The following GABRB1 variants were observed in gnomAD, a reference collection of about 807,000 sequenced individuals.
GABRB1 encodes the protein gamma-aminobutyric acid type A receptor subunit beta1, also known as gamma-aminobutyric acid receptor subunit beta-1.
GABRB1 carries 17 observed loss-of-function variants against 51.6 expected under a neutral mutation model. The ratio of observed to expected loss-of-function variants is 0.33; its 90% CI spans 0.23 to 0.49. The LOEUF is 0.49. Ranked by LOEUF, GABRB1 falls within the 20% of genes least tolerant of loss-of-function variation. The pLI, the probability that GABRB1 is intolerant of heterozygous loss-of-function variation, is 0.99. For missense variants in GABRB1, 410 were observed against 600.6 expected (o/e 0.68, Z 3.32); for synonymous variants, 247 against 218.9 (o/e 1.13, Z -1.14).
chr4:47,241,735 T>C (rs1172664076), intron 4 of GABRB1, among the ~76,000 whole-genome samples: 1 of 152,188 alleles, frequency 6.6e-6, no homozygotes, highest in Non-Finnish European at 1.5e-5. Context: ...AGACATTTGT[T>C]AATGTTTAAC....
chr4:47,202,433 G>A (rs1333569359), intron 4 of GABRB1, among the ~76,000 whole-genome samples: 3 of 152,094 alleles, frequency 2.0e-5, no homozygotes, highest in Non-Finnish European at 2.9e-5. Flanking sequence ...TAATACAGTA[G>A]TGAAGAATTT....
chr4:47,062,494 G>A (rs1034275760), intron 3 of GABRB1, among the ~76,000 whole-genome samples: 1 of 151,464 alleles, frequency 6.6e-6, no homozygotes, highest in Non-Finnish European at 1.5e-5. Context: ...CAGTAAAACA[G>A]ATTAGGCAAT....
upstream of GABRB1, among the ~76,000 whole-genome samples, chr4:47,027,433 G>T (rs1422861617): frequency 2.6e-5 from 4 of 151,532 alleles, no homozygotes; most frequent in African/African-American, 9.6e-5. Flanking sequence ...ATCCTCAAAG[G>T]TCCATGCTAT....
At chr4:47,133,622 GA>G (rs1279239240) in intron 3 of GABRB1, among the ~76,000 whole-genome samples, 1 of 152,144 alleles carries the variant, frequency 6.6e-6, no homozygotes, top group East Asian at 1.9e-4. Flanking sequence ...ACATTTTTAA[GA>G]GACAGGCAAG....
At chr4:47,306,176 G>A (rs1195187769) in intron 4 of GABRB1, among the ~76,000 whole-genome samples, 1 of 151,206 alleles carries the variant, frequency 6.6e-6, no homozygotes, top group Non-Finnish European at 1.5e-5. Flanking sequence ...ACAAAAGATG[G>A]AATGTAACAA....
Position 47,317,571 on chromosome 4 carries a change from GA to G in GABRB1, c.462-2548del, listed in dbSNP as rs1022156847. Among the ~76,000 whole-genome samples, 6 of 151,436 alleles carry G rather than the reference GA, an allele frequency of 4.0e-5. No homozygotes were observed. The East Asian group carries it at 1.2e-3, about 29-fold the overall frequency. On this transcript the variant is annotated intron_variant, in intron 4 of 8. Coordinates refer to ENST00000295454, the MANE Select transcript of GABRB1 (RefSeq NM_000812.4). ...AGCATAGTGTTTTGTAAAACATTTT[GA>G]AAAAAAATTTAATTAAACTTGAAAA...
intron 4 of GABRB1, among the ~76,000 whole-genome samples, chr4:47,162,972 T>C (rs927866294): frequency 6.6e-6 from 1 of 152,100 alleles, no homozygotes; most frequent in African/African-American, 2.4e-5. Flanking sequence ...TCTCTTCCTC[T>C]GTCTTTCCCA....
rs78835220 is a variant in GABRB1, at chr4:47,274,926, T to C, written c.462-45201T>C. On this transcript the variant is annotated intron_variant, in intron 4 of 8. Coordinates refer to ENST00000295454, the MANE Select transcript of GABRB1 (RefSeq NM_000812.4). Reference sequence around the variant, plus strand: ...ATTCCTATTCAGCTAGAAGAAATTATTTTTTCAGTCTAGGAAAGGAGGTCA... The same window carrying C: ...ATTCCTATTCAGCTAGAAGAAATTACTTTTTCAGTCTAGGAAAGGAGGTCA... Among the ~76,000 whole-genome samples the C allele has an allele frequency of 9.3e-3, 1,417 of 152,268 alleles. 22 individuals carry two copies. The highest frequency in any genetic ancestry group is 0.033 in the African/African-American group (1,359 of 41,542).
intron 3 of GABRB1, among the ~76,000 whole-genome samples, chr4:47,106,395 G>T (rs13130724): frequency 0.39 from 58,426 of 151,562 alleles, 11,505 homozygotes; most frequent in South Asian, 0.44. Flanking sequence ...AAGGCTTATG[G>T]AACTAATGTT....
intron 3 of GABRB1, among the ~76,000 whole-genome samples, chr4:47,050,440 T>C (rs1343181185): frequency 4.0e-5 from 6 of 151,306 alleles, no homozygotes; most frequent in African/African-American, 1.5e-4. Flanking sequence ...TATATATATA[T>C]ACATACATAT....
intron 4 of GABRB1, among the ~76,000 whole-genome samples, chr4:47,289,520 C>T (rs961579843): frequency 6.6e-6 from 1 of 152,200 alleles, no homozygotes; most frequent in Non-Finnish European, 1.5e-5. Context: ...ATTAGTCTAA[C>T]TCCACCAAAC....
chr4:47,205,258 T>C (rs556477134), intron 4 of GABRB1, among the ~76,000 whole-genome samples: 1 of 152,292 alleles, frequency 6.6e-6, no homozygotes, highest in African/African-American at 2.4e-5. Context: ...ACTAATATAA[T>C]TATGGAATAA....
At chr4:47,289,929 T>G (rs1455746696) in intron 4 of GABRB1, among the ~76,000 whole-genome samples, 1 of 152,192 alleles carries the variant, frequency 6.6e-6, no homozygotes, top group African/African-American at 2.4e-5. Context: ...AGGACACTTC[T>G]AAGTTGTGCC....
At chr4:47,205,901 C>T (rs1317226296) in intron 4 of GABRB1, among the ~76,000 whole-genome samples, 3 of 151,970 alleles carry the variant, frequency 2.0e-5, no homozygotes, top group Non-Finnish European at 4.4e-5. Flanking sequence ...TTCCCATTCT[C>T]AAATATTTTT....
chr4:47,283,582 GT>G (rs572186438), intron 4 of GABRB1, among the ~76,000 whole-genome samples: 2 of 151,148 alleles, frequency 1.3e-5, no homozygotes, highest in African/African-American at 4.9e-5. Context: ...TAGAGACGGG[GT>G]TTCACTGTGT....
intron 3 of GABRB1, among the ~76,000 whole-genome samples, chr4:47,074,747 T>G (rs1468941535): frequency 6.6e-6 from 1 of 152,166 alleles, no homozygotes; most frequent in Non-Finnish European, 1.5e-5. Flanking sequence ...AATATATAGT[T>G]GTCATAAAAA....
At chr4:47,344,929 G>T (rs1018821478) in intron 5 of GABRB1, among the ~76,000 whole-genome samples, 2 of 151,992 alleles carry the variant, frequency 1.3e-5, no homozygotes, top group African/African-American at 4.8e-5. Context: ...CACCATGTTG[G>T]CTAGGCTGGT....
rs1439890622 is a variant in GABRB1 at position 47,214,326 on chromosome 4, T to A, written c.461+52857T>A. On this transcript the variant is annotated intron_variant, in intron 4 of 8. Transcript: ENST00000295454. ...AATCATTCCTCAGCCCTCTGAACCC[T>A]CTTCTCATTTCCTTGCAGTCTCTAC... 2.0e-5 allele frequency among the ~76,000 whole-genome samples: 3 copies of A among 152,196 alleles called. No homozygotes were observed. The East Asian group carries it at 5.8e-4, about 29-fold the overall frequency.
At chr4:47,133,415 A>T (rs1460945988) in intron 3 of GABRB1, among the ~76,000 whole-genome samples, 1 of 152,230 alleles carries the variant, frequency 6.6e-6, no homozygotes, top group Admixed American at 6.5e-5. Flanking sequence ...ATGAATGTAG[A>T]TATTGATGCC....
Sources: allele counts gnomAD v4.1 joint callset (sites outside exome capture counted in the v4.1 genomes callset), GRCh38; gene constraint gnomAD v4.1.1; transcripts MANE v1.5; gene names NCBI Gene and HGNC (gene_info 2026-07-23, HGNC 2026-07-21).